Variants in CCM2 observed in about 807,000 individuals in gnomAD.
CCM2 encodes cerebral cavernous malformations 2 protein.
Under a neutral mutation model 44.9 loss-of-function variants are expected in CCM2, and 25 were observed. The ratio of observed to expected loss-of-function variants is 0.56; its 90% CI spans 0.41 to 0.78. CCM2 has a LOEUF of 0.78. Among genes scored for constraint, CCM2 ranks in the 30% least tolerant of loss-of-function variants. The probability of loss-of-function intolerance (pLI) is 0.00; values close to 1 mark genes in which losing one functional copy is unlikely to be tolerated. For missense variants in CCM2, 481 were observed against 580.6 expected, an observed-to-expected ratio of 0.83 and a Z score of 1.76; for synonymous variants, 219 against 241.1, an observed-to-expected ratio of 0.91 and a Z score of 0.85.
In CCM2 at chr7:45,076,220, G is replaced by A. The variant is rs1784255138; in HGVS notation, c.*163G>A. On this transcript the variant is annotated 3_prime_UTR_variant, in exon 10 of 10. Transcript: ENST00000258781. ...CAGGTCCTCTACTGTGAAGGAGCAG[G>A]GAGCTGCCGAGGGACACGAGCCTCA... The A allele has an allele frequency of 1.0e-6, 1 of 973,216 alleles. No homozygotes were observed. Among genetic ancestry groups the A allele is most frequent in the African/African-American group, 1.6e-5 (1 of 62,370 alleles). 60.3% of individuals were successfully genotyped at this position (973,216 alleles called of 1,614,324 possible). A position where few individuals can be genotyped will look rare whatever the true frequency, so the allele number is the denominator to read the frequency against.
At position 45,075,852 on chromosome 7, in the gene CCM2, GC is replaced by G; in HGVS notation, c.1132del (p.Arg378AlafsTer15). On this transcript the variant is annotated frameshift_variant, in exon 10 of 10. Transcript: ENST00000258781. LOFTEE classifies it high-confidence loss of function. ...CTGGAGACCATTGGCGTGAAGGATG[GC>G]CGCGGCATCATCACTGACAGCTTTG... ...NFLETIGVKDGRGIITDSFGR... is the reference protein window; with the variant it reads ...NFLETIGVKDXRGIITDSFGR... 6.2e-7 allele frequency: 1 copy of G among 1,613,708 alleles called. No individual in the cohort carries two copies. The highest frequency in any genetic ancestry group is 8.5e-7 in the Non-Finnish European group (1 of 1,180,028).
intron 1 of CCM2, among the ~76,000 whole-genome samples, chr7:45,024,954 G>C (rs1796623949): frequency 6.6e-6 from 1 of 152,156 alleles, no homozygotes; most frequent in Admixed American, 6.5e-5. Flanking sequence ...GTCCCTCTTT[G>C]ATTCTGCCTG....
intron 1 of CCM2, among the ~76,000 whole-genome samples, chr7:45,001,309 C>T (rs113788830): frequency 0.024 from 3,625 of 152,326 alleles, 153 homozygotes; most frequent in African/African-American, 0.082. Context: ...TTTCTCAACT[C>T]ATTGTTTCAT....
intron 2 of CCM2, among the ~76,000 whole-genome samples, chr7:45,054,030 G>T (rs1385249357): frequency 6.6e-6 from 1 of 152,084 alleles, no homozygotes; most frequent in Non-Finnish European, 1.5e-5. Flanking sequence ...TATAGTACAT[G>T]CCGTAGTAGA....
rs754943918 is a variant in CCM2 at position 45,068,468 on chromosome 7, C to T, written c.498C>T (p.Ser166=). ...KTAQDPGISP[S]QSLCAESSRG... Reference sequence around the variant, plus strand: ...CCCAGGACCCAGGGATCTCCCCCAGCCAGAGTCTGTGTGCGGAAAGTTCCA... The same window carrying T: ...CCCAGGACCCAGGGATCTCCCCCAGTCAGAGTCTGTGTGCGGAAAGTTCCA... The change falls in exon 5 of 10, where the codon AGC becomes AGT. Residue 166 remains serine, a synonymous_variant. Coordinates refer to ENST00000258781, the MANE Select transcript of CCM2 (RefSeq NM_031443.4). 1.2e-6 allele frequency: 2 copies of T among 1,614,200 alleles called. No homozygotes were observed. Among genetic ancestry groups the T allele is most frequent in the South Asian group, 2.2e-5 (2 of 91,086 alleles).
chr7:45,047,426 A>C (rs1263833726), intron 2 of CCM2, among the ~76,000 whole-genome samples: 1 of 152,208 alleles, frequency 6.6e-6, no homozygotes, highest in Non-Finnish European at 1.5e-5. Context: ...AGTCCCACCT[A>C]CTGGGGAGGC....
intron 2 of CCM2, among the ~76,000 whole-genome samples, chr7:45,046,871 C>T (rs1253730335): frequency 6.6e-6 from 1 of 152,120 alleles, no homozygotes; most frequent in Non-Finnish European, 1.5e-5. Context: ...ACTCTCAAAA[C>T]TCAACAGTAA....
intron 1 of CCM2, among the ~76,000 whole-genome samples, chr7:45,013,261 CTT>C (rs1212988774): frequency 6.6e-6 from 1 of 151,936 alleles, no homozygotes; most frequent in Non-Finnish European, 1.5e-5. Flanking sequence ...TTTTTGCAAA[CTT>C]TTTGGCATAT....
At chr7:45,010,210 CA>C (rs1316685828) in intron 1 of CCM2, among the ~76,000 whole-genome samples, 1 of 152,142 alleles carries the variant, frequency 6.6e-6, no homozygotes, top group East Asian at 1.9e-4. Flanking sequence ...TGCTCCTGGC[CA>C]AATAATACAC....
intron 1 of CCM2, among the ~76,000 whole-genome samples, chr7:45,033,551 TC>T (rs1351258339): frequency 6.6e-6 from 1 of 152,208 alleles, no homozygotes; most frequent in African/African-American, 2.4e-5. Context: ...TCAGTCACTG[TC>T]CATGACACAG....
At chr7:45,009,931 A>G (rs1349402412) in intron 1 of CCM2, among the ~76,000 whole-genome samples, 1 of 151,052 alleles carries the variant, frequency 6.6e-6, no homozygotes, top group Non-Finnish European at 1.5e-5. Flanking sequence ...TTTTTTTTAA[A>G]CAGGGTCTCA....
chr7:45,026,811 C>T (rs995276522), intron 1 of CCM2, among the ~76,000 whole-genome samples: 7 of 152,042 alleles, frequency 4.6e-5, no homozygotes, highest in Non-Finnish European at 1.0e-4. Flanking sequence ...CCGTGTTGGC[C>T]AGGCTGGTGT....
At chr7:45,070,039 G>A (rs1022685643) in intron 6 of CCM2, 78 bp downstream of exon 6, 1 of 1,569,982 alleles carries the variant, frequency 6.4e-7, no homozygotes, top group Non-Finnish European at 8.7e-7. Flanking sequence ...CTCCCCATGA[G>A]TTACTCCTGG....
At chr7:45,064,076 G>A (rs1259238059) in intron 3 of CCM2, 75 bp downstream of exon 3, 23 of 1,042,690 alleles carry the variant, frequency 2.2e-5, no homozygotes, top group East Asian at 2.1e-4. Context: ...TCTTGGCCTC[G>A]TGGCTGTGAG....
intron 2 of CCM2, among the ~76,000 whole-genome samples, chr7:45,041,576 A>G (rs577468631): frequency 1.3e-5 from 2 of 152,318 alleles, no homozygotes; most frequent in East Asian, 3.9e-4. Context: ...CCTTCTGACC[A>G]AAGGACCAGG....
chr7:45,005,901 T>C (rs891795266), intron 1 of CCM2, among the ~76,000 whole-genome samples: 1 of 152,234 alleles, frequency 6.6e-6, no homozygotes, highest in Non-Finnish European at 1.5e-5. Context: ...TGGGAAGTCC[T>C]TGGGCTGGGA....
intron 1 of CCM2, among the ~76,000 whole-genome samples, chr7:45,018,062 A>G (rs1007161407): frequency 8.3e-5 from 3 of 36,150 alleles, no homozygotes; most frequent in East Asian, 1.2e-3. Context: ...TTGGGATGAA[A>G]CTTCCATATC....
chr7:45,059,428 AAAAAGAAAG>A (rs747114007), intron 2 of CCM2, among the ~76,000 whole-genome samples: 14 of 150,028 alleles, frequency 9.3e-5, no homozygotes, highest in Non-Finnish European at 1.5e-4. Flanking sequence ...TAAAAAAAAA[AAAAAGAAAG>A]AAAGAAAGAA....
chr7:45,040,448 G>A (rs994851347), intron 2 of CCM2, among the ~76,000 whole-genome samples: 1 of 152,008 alleles, frequency 6.6e-6, no homozygotes, highest in Non-Finnish European at 1.5e-5. Flanking sequence ...AACAAAAGAT[G>A]AGAAAGAGAA....
Sources: gnomAD v4.1 joint callset for allele counts (sites outside exome capture counted in the v4.1 genomes callset) on GRCh38, gnomAD v4.1.1 for gene constraint, MANE v1.5 for transcripts, NCBI Gene and HGNC (gene_info 2026-07-23, HGNC 2026-07-21) for gene names.